B3GALT1: variants seen among roughly 807,000 people sequenced by gnomAD.
B3GALT1 encodes UDP-Gal:betaGlcNAc beta 1,3-galactosyltransferase, polypeptide 1.
Under a neutral mutation model 23.2 loss-of-function variants are expected in B3GALT1, and 10 were observed. The ratio of observed to expected loss-of-function variants is 0.43; its 90% CI spans 0.27 to 0.73. The LOEUF is 0.73. Ranked by LOEUF, B3GALT1 falls within the 30% of genes least tolerant of loss-of-function variation. The pLI is 0.21. For synonymous variants in B3GALT1, 156 were observed against 141.5 expected (o/e 1.10, Z -0.73); for missense variants, 299 against 405.4 (o/e 0.74, Z 2.25).
chr2:167,838,325 T>TA (rs1237448178), intron 4 of B3GALT1, among the ~76,000 whole-genome samples: 1 of 147,216 alleles, frequency 6.8e-6, no homozygotes, highest in African/African-American at 2.6e-5. Context: ...ATAGACGCAA[T>TA]AAAAAATGAT....
chr2:167,790,454 ACT>A (rs1688415998), intron 3 of B3GALT1, among the ~76,000 whole-genome samples: 3 of 151,886 alleles, frequency 2.0e-5, no homozygotes, highest in Non-Finnish European at 4.4e-5. Context: ...TTCTTCTGTG[ACT>A]CTAACAGATA....
intron 3 of B3GALT1, among the ~76,000 whole-genome samples, chr2:167,694,219 A>G (rs1686757329): frequency 6.6e-6 from 1 of 152,158 alleles, no homozygotes; most frequent in Non-Finnish European, 1.5e-5. Flanking sequence ...CACTTGGTTT[A>G]TTGCAGGCAT....
At chr2:167,806,943 C>T (rs1688768739) in intron 3 of B3GALT1, among the ~76,000 whole-genome samples, 1 of 152,150 alleles carries the variant, frequency 6.6e-6, no homozygotes, top group Non-Finnish European at 1.5e-5. Flanking sequence ...TCAGTCTGGT[C>T]CTGGACTTTT....
chr2:167,329,542 T>C (rs749754820), intron 1 of B3GALT1, among the ~76,000 whole-genome samples: 2 of 152,216 alleles, frequency 1.3e-5, no homozygotes, highest in East Asian at 3.8e-4. Context: ...AGTGTTTCTT[T>C]GTTGATTTTC....
intron 1 of B3GALT1, among the ~76,000 whole-genome samples, chr2:167,482,221 CAAAT>C (rs1182146704): frequency 1.3e-5 from 2 of 152,144 alleles, no homozygotes; most frequent in African/African-American, 2.4e-5. Flanking sequence ...TTACTAAACT[CAAAT>C]GAATAATATA....
chr2:167,656,035 A>G, intron 3 of B3GALT1, among the ~76,000 whole-genome samples: 1 of 152,104 alleles, frequency 6.6e-6, no homozygotes, highest in East Asian at 1.9e-4. Flanking sequence ...GATGACAGTG[A>G]CAGTCTCACT....
intron 3 of B3GALT1, among the ~76,000 whole-genome samples, chr2:167,757,537 A>AG (rs925906699): frequency 6.6e-6 from 1 of 152,114 alleles, no homozygotes; most frequent in Non-Finnish European, 1.5e-5. Context: ...TTTTTTTTAA[A>AG]GGGGGGAAAA....
At chr2:167,835,186 T>C (rs991591889) in intron 4 of B3GALT1, among the ~76,000 whole-genome samples, 7 of 152,004 alleles carry the variant, frequency 4.6e-5, no homozygotes, top group Admixed American at 2.0e-4. Context: ...GGGTGCAGGT[T>C]AGTGGGTGCA....
intron 1 of B3GALT1, among the ~76,000 whole-genome samples, chr2:167,439,716 T>C (rs1337612234): frequency 1.3e-5 from 2 of 152,190 alleles, no homozygotes; most frequent in African/African-American, 4.8e-5. Flanking sequence ...AATTTTGCTA[T>C]TGATGAAAAC....
intron 1 of B3GALT1, among the ~76,000 whole-genome samples, chr2:167,309,430 A>G (rs1696601945): frequency 6.6e-6 from 1 of 152,030 alleles, no homozygotes; most frequent in South Asian, 2.1e-4. Context: ...AAAATTACAT[A>G]CCTACTTCTT....
At chr2:167,692,301 C>T (rs1686727420) in intron 3 of B3GALT1, among the ~76,000 whole-genome samples, 1 of 152,078 alleles carries the variant, frequency 6.6e-6, no homozygotes, top group South Asian at 2.1e-4. Context: ...CCTCTTTCTT[C>T]TATGTGTTTA....
chr2:167,395,292 C>T (rs187147880), intron 1 of B3GALT1, among the ~76,000 whole-genome samples: 2 of 152,040 alleles, frequency 1.3e-5, no homozygotes, highest in East Asian at 3.9e-4. Context: ...AGTTAAGGAA[C>T]TTGAGATGTA....
At chr2:167,307,397 TACA>T (rs1010322935) in intron 1 of B3GALT1, among the ~76,000 whole-genome samples, 1 of 152,108 alleles carries the variant, frequency 6.6e-6, no homozygotes, top group African/African-American at 2.4e-5. Flanking sequence ...TCAGAGAGAC[TACA>T]ACAAGAATAT....
At chr2:167,678,990 A>T (rs1256519266) in intron 3 of B3GALT1, among the ~76,000 whole-genome samples, 3 of 152,176 alleles carry the variant, frequency 2.0e-5, no homozygotes, top group African/African-American at 7.2e-5. Context: ...GGAGTTTTTT[A>T]AATTAACTGT....
intron 1 of B3GALT1, among the ~76,000 whole-genome samples, chr2:167,298,872 G>A (rs1696400538): frequency 6.6e-6 from 1 of 150,692 alleles, no homozygotes; most frequent in Non-Finnish European, 1.5e-5. Flanking sequence ...TTTTTAAAAA[G>A]AGCAACAACA....
At chr2:167,377,971 C>T (rs2105274095) in intron 1 of B3GALT1, among the ~76,000 whole-genome samples, 1 of 152,152 alleles carries the variant, frequency 6.6e-6, no homozygotes. Context: ...TCTTTGGTTT[C>T]CATGTTTAAA....
chr2:167,562,918 C>A (rs1190556163), intron 2 of B3GALT1, among the ~76,000 whole-genome samples: 1 of 152,096 alleles, frequency 6.6e-6, no homozygotes, highest in African/African-American at 2.4e-5. Flanking sequence ...TTAATCCATT[C>A]AACCCTGAGT....
Position 167,440,274 on chromosome 2 carries a change from C to T in B3GALT1, c.-510-49903C>T, listed in dbSNP as rs1439457841. 6.4e-5 allele frequency among the ~76,000 whole-genome samples: 9 copies of T among 140,020 alleles called. No individual in the cohort carries two copies. In the East Asian group the frequency reaches 6.5e-4, roughly 10 times the overall value. 91.9% of individuals were successfully genotyped at this position (140,020 alleles called of 152,430 possible). A position where few individuals can be genotyped will look rare whatever the true frequency, so the allele number is the denominator to read the frequency against. ...GGGAGAATGGTGTGAACCTGGGAGG[C>T]GGAGCTTGCAGTGAGCCAAGATTGC... On this transcript the variant is annotated intron_variant, in intron 1 of 4. Coordinates refer to ENST00000392690, the MANE Select transcript of B3GALT1 (RefSeq NM_020981.4).
At chr2:167,655,338 G>A (rs1402429152) in intron 3 of B3GALT1, among the ~76,000 whole-genome samples, 2 of 152,124 alleles carry the variant, frequency 1.3e-5, no homozygotes, top group Non-Finnish European at 2.9e-5. Context: ...ACTCAGTGAA[G>A]GAGGTGAGAA....
Sources: allele counts gnomAD v4.1 joint callset (sites outside exome capture counted in the v4.1 genomes callset), GRCh38; gene constraint gnomAD v4.1.1; transcripts MANE v1.5; gene names NCBI Gene and HGNC (gene_info 2026-07-23, HGNC 2026-07-21).